The following FMNL2 variants were observed in gnomAD, a reference collection of about 807,000 sequenced individuals.
FMNL2 encodes the protein formin like 2.
FMNL2 carries 51 observed loss-of-function variants against 130.2 expected under a neutral mutation model. The observed-to-expected ratio is 0.39, with a 90% CI of 0.31 to 0.49. The LOEUF is 0.49. FMNL2 is among the 20% of genes least tolerant of loss of function. The pLI, the probability that FMNL2 is intolerant of heterozygous loss-of-function variation, is 0.85. For synonymous variants in FMNL2, 465 were observed against 467.1 expected (o/e 1.00, Z 0.06); for missense variants, 977 against 1,316.2 (o/e 0.74, Z 3.99).
Position 152,335,379 on chromosome 2 carries a change from G to C in FMNL2, c.-225G>C, listed in dbSNP as rs1237997686. On this transcript the variant is annotated 5_prime_UTR_variant, in exon 1 of 26. Transcript: ENST00000288670. The stretch of plus-strand genomic sequence containing the variant: ...CTACCCCTCCCGAGGAAAAGAGGCC[G>C]GGGCCGCGCTGGGGCGGCGGAGAGC... 1.5e-5 allele frequency: 4 copies of C among 265,728 alleles called. No individual in the cohort carries two copies. The highest frequency in any genetic ancestry group is 2.8e-5 in the Non-Finnish European group (4 of 143,738). 16.5% of individuals were successfully genotyped at this position (265,728 alleles called of 1,614,324 possible). A position where few individuals can be genotyped will look rare whatever the true frequency, so the allele number is the denominator to read the frequency against.
chr2:152,335,822 T>A lies in FMNL2; in HGVS notation c.117+102T>A. On this transcript the variant is annotated intron_variant, in intron 1 of 25. Coordinates refer to ENST00000288670, the MANE Select transcript of FMNL2 (RefSeq NM_052905.4). ...CTTCACCCCGTGCCGGGAGCGAGCC[T>A]CCATTCCCGAGGGGGAGGCTCCCGC... 6 of 812,322 alleles carry A rather than the reference T, an allele frequency of 7.4e-6. 1 individual carries two copies. In the Middle Eastern group the frequency reaches 1.5e-3, roughly 209 times the overall value. The allele number at this position is 812,322 out of a possible 1,614,324, so 50.3% of individuals were successfully genotyped here.
At chr2:152,633,342 C>T (rs1402376755) in intron 21 of FMNL2, among the ~76,000 whole-genome samples, 2 of 152,138 alleles carry the variant, frequency 1.3e-5, no homozygotes, top group Admixed American at 1.3e-4. Flanking sequence ...GTGATCCTCT[C>T]GCCTCAGCCT....
At chr2:152,495,258 CT>C in intron 1 of FMNL2, among the ~76,000 whole-genome samples, 1 of 152,100 alleles carries the variant, frequency 6.6e-6, no homozygotes, top group East Asian at 1.9e-4. Flanking sequence ...ATTTCAGGTA[CT>C]TTCTTTGAAG....
At chr2:152,337,858 G>A (rs551129502) in intron 1 of FMNL2, among the ~76,000 whole-genome samples, 17 of 152,254 alleles carry the variant, frequency 1.1e-4, no homozygotes, top group Admixed American at 1.0e-3. Context: ...TGGGGGACCA[G>A]GTCAGCTTGG....
intron 1 of FMNL2, among the ~76,000 whole-genome samples, chr2:152,502,129 G>T (rs1295394224): frequency 6.6e-6 from 1 of 152,166 alleles, no homozygotes; most frequent in Non-Finnish European, 1.5e-5. Flanking sequence ...TTTGGGCGAG[G>T]TGGCGCTAAC....
chr2:152,392,663 A>G (rs542874957), intron 1 of FMNL2, among the ~76,000 whole-genome samples: 2 of 152,324 alleles, frequency 1.3e-5, no homozygotes, highest in South Asian at 4.1e-4. Flanking sequence ...AGAAGCCATC[A>G]TGGCTTAATC....
Position 152,647,805 on chromosome 2 carries a change from A to G in FMNL2, c.3179A>G (p.Asn1060Ser), listed in dbSNP as rs1441285255. The G allele has an allele frequency of 6.2e-7, 1 of 1,613,880 alleles. No individual in the cohort carries two copies. The highest frequency in any genetic ancestry group is 8.5e-7 in the Non-Finnish European group (1 of 1,179,832). ...AIEDIITDLR[N>S]QPYRRADAVR... ...ACTCTCCCCTTTACAGATCTTAGAAACCAACCATACAGACGAGCCGATGCG... is the reference window on the plus strand; with the variant it reads ...ACTCTCCCCTTTACAGATCTTAGAAGCCAACCATACAGACGAGCCGATGCG... Residue 1060 changes from asparagine to serine, a missense_variant, in exon 26 of 26, where the codon AAC becomes AGC. Coordinates refer to ENST00000288670, the MANE Select transcript of FMNL2 (RefSeq NM_052905.4).
chr2:152,497,314 AT>A (rs1052414145), intron 1 of FMNL2, among the ~76,000 whole-genome samples: 4 of 150,896 alleles, frequency 2.7e-5, no homozygotes, highest in East Asian at 1.9e-4. Context: ...ATTTGTGTGC[AT>A]TTTTTTTTGT....
chr2:152,609,213 T>C (rs1698553647), intron 10 of FMNL2, among the ~76,000 whole-genome samples: 1 of 152,270 alleles, frequency 6.6e-6, no homozygotes, highest in Non-Finnish European at 1.5e-5. Flanking sequence ...ATGAGGTACC[T>C]TATTTAGAGG....
At chr2:152,355,626 C>G (rs1283338984) in intron 1 of FMNL2, among the ~76,000 whole-genome samples, 1 of 152,054 alleles carries the variant, frequency 6.6e-6, no homozygotes, top group African/African-American at 2.4e-5. Flanking sequence ...AAAATCTGAC[C>G]CTTTGTCCCT....
At chr2:152,628,939 T>G (rs932706693) in intron 18 of FMNL2, among the ~76,000 whole-genome samples, 6 of 152,238 alleles carry the variant, frequency 3.9e-5, no homozygotes, top group African/African-American at 1.4e-4. Flanking sequence ...TGAGCAGACT[T>G]ACAAGCTTTT....
At chr2:152,476,247 C>G (rs1690146719) in intron 1 of FMNL2, among the ~76,000 whole-genome samples, 1 of 152,220 alleles carries the variant, frequency 6.6e-6, no homozygotes, top group African/African-American at 2.4e-5. Flanking sequence ...AACACCAGCT[C>G]TGTTTACCAT....
At chr2:152,570,310 T>G (rs1696106096) in intron 6 of FMNL2, among the ~76,000 whole-genome samples, 1 of 152,146 alleles carries the variant, frequency 6.6e-6, no homozygotes, top group Non-Finnish European at 1.5e-5. Flanking sequence ...AGGGTAACAT[T>G]TAGAGTTTTA....
chr2:152,421,982 T>C (rs1398726549), intron 1 of FMNL2, among the ~76,000 whole-genome samples: 5 of 152,100 alleles, frequency 3.3e-5, no homozygotes, highest in African/African-American at 1.2e-4. Flanking sequence ...GCTAGGTAGG[T>C]TTATTGATGA....
intron 9 of FMNL2, among the ~76,000 whole-genome samples, chr2:152,604,853 C>G (rs527376183): frequency 1.4e-5 from 2 of 147,846 alleles, no homozygotes; most frequent in South Asian, 4.6e-4. Flanking sequence ...ACCTCGTCCT[C>G]CCAAAGTGCT....
chr2:152,398,166 C>T (rs1341977728), intron 1 of FMNL2, among the ~76,000 whole-genome samples: 1 of 152,172 alleles, frequency 6.6e-6, no homozygotes, highest in African/African-American at 2.4e-5. Context: ...ATGTTGTCCT[C>T]TGGCCTGCGA....
chr2:152,437,909 T>TA (rs1356509992), intron 1 of FMNL2, among the ~76,000 whole-genome samples: 4 of 152,210 alleles, frequency 2.6e-5, no homozygotes, highest in Non-Finnish European at 4.4e-5. Flanking sequence ...ACATCTGTTG[T>TA]AAAAGGCATT....
At chr2:152,462,115 A>T (rs529821996) in intron 1 of FMNL2, among the ~76,000 whole-genome samples, 1 of 152,202 alleles carries the variant, frequency 6.6e-6, no homozygotes, top group East Asian at 1.9e-4. Context: ...CTCCTGCCTC[A>T]ACCTCCCAAA....
chr2:152,494,766 T>A (rs1388315700), intron 1 of FMNL2, among the ~76,000 whole-genome samples: 2 of 152,224 alleles, frequency 1.3e-5, no homozygotes, highest in African/African-American at 4.8e-5. Context: ...TCATGTGCCT[T>A]GACTATTGTC....
Sources: gnomAD v4.1 joint callset for allele counts (sites outside exome capture counted in the v4.1 genomes callset) on GRCh38, gnomAD v4.1.1 for gene constraint, MANE v1.5 for transcripts, NCBI Gene and HGNC (gene_info 2026-07-23, HGNC 2026-07-21) for gene names.